The following CRB1 variants were observed in gnomAD, a reference collection of about 807,000 sequenced individuals.
CRB1 encodes the protein protein crumbs homolog 1.
In CRB1, 83 loss-of-function variants were observed where a neutral mutation model predicts 120.0. That is an observed-to-expected ratio of 0.69 (90% CI 0.58 to 0.83). CRB1 has a LOEUF of 0.83. CRB1 is among the 40% of genes least tolerant of loss of function. CRB1 has a pLI of 0.00. For synonymous variants in CRB1, 625 were observed against 612.5 expected (o/e 1.02, Z -0.30); for missense variants, 1,699 against 1,687.6 (o/e 1.01, Z -0.12).
intron 7 of CRB1, among the ~76,000 whole-genome samples, 175 bp downstream of exon 7, chr1:197,428,176 A>G (rs949121586): frequency 1.8e-4 from 27 of 152,206 alleles, no homozygotes; most frequent in African/African-American, 5.5e-4. Context: ...ACATTGAGCC[A>G]TAGAAATGAG....
At chr1:197,205,123 C>A in the CRB1 span, among the ~76,000 whole-genome samples, 1 of 152,196 alleles carries the variant, frequency 6.6e-6, no homozygotes, top group Non-Finnish European at 1.5e-5. Context: ...TATCCTAAAA[C>A]TTTGCTTAAT....
intron 1 of CRB1, among the ~76,000 whole-genome samples, chr1:197,286,903 C>T: frequency 6.6e-6 from 1 of 151,576 alleles, no homozygotes. Context: ...TTGTTTCATT[C>T]AAGGGAAAAA....
At chr1:197,244,768 C>T in the CRB1 span, among the ~76,000 whole-genome samples, 2 of 151,564 alleles carry the variant, frequency 1.3e-5, no homozygotes, top group East Asian at 1.9e-4. Flanking sequence ...TTGGTCTCAT[C>T]TATTTCCCCT....
chr1:197,373,728 T>G (rs549879064), intron 5 of CRB1, among the ~76,000 whole-genome samples: 16 of 152,276 alleles, frequency 1.1e-4, no homozygotes, highest in African/African-American at 3.6e-4. Context: ...AAAAGTCTAT[T>G]CCATATCTCA....
the CRB1 span, chr1:197,223,295 T>G: frequency 1.3e-6 from 1 of 755,376 alleles, no homozygotes; most frequent in South Asian, 1.5e-5. Context: ...GTTTGGAAAT[T>G]GGCTGTTTTG....
chr1:197,214,933 A>G, the CRB1 span, among the ~76,000 whole-genome samples: 1 of 152,192 alleles, frequency 6.6e-6, no homozygotes, highest in Non-Finnish European at 1.5e-5. Flanking sequence ...AATCGTAAAA[A>G]CAAAACAAAA....
chr1:197,218,649 C>T, the CRB1 span, among the ~76,000 whole-genome samples: 131,220 of 152,062 alleles, frequency 0.86, 57,066 homozygotes, highest in East Asian at 1. Context: ...AGTCCCTTGA[C>T]TGTGGATGAT....
At chr1:197,249,102 A>G in the CRB1 span, among the ~76,000 whole-genome samples, 1 of 151,894 alleles carries the variant, frequency 6.6e-6, no homozygotes, top group Non-Finnish European at 1.5e-5. Context: ...TTAATCATAT[A>G]CCTTTTTGTA....
chr1:197,353,964 T>C (rs1366553951), intron 4 of CRB1, among the ~76,000 whole-genome samples: 1 of 149,484 alleles, frequency 6.7e-6, no homozygotes, highest in East Asian at 2.0e-4. Context: ...TAAATACTCT[T>C]ACAAATCAAT....
At chr1:197,223,313 A>G in the CRB1 span, 8 of 652,072 alleles carry the variant, frequency 1.2e-5, no homozygotes, top group African/African-American at 7.3e-5. Flanking sequence ...TTGTTAAAAT[A>G]TATCATACAT....
the CRB1 span, among the ~76,000 whole-genome samples, chr1:197,206,536 T>C: frequency 6.6e-6 from 1 of 152,122 alleles, no homozygotes; most frequent in Non-Finnish European, 1.5e-5. Context: ...GAGCAAGTTA[T>C]TTAATTTCCA....
intron 2 of CRB1, among the ~76,000 whole-genome samples, chr1:197,336,721 A>G (rs1659177508): frequency 6.6e-6 from 1 of 152,212 alleles, no homozygotes; most frequent in African/African-American, 2.4e-5. Context: ...TGACTAAGAT[A>G]AAATGTATTC....
Position 197,428,124 on chromosome 1 carries a change from A to G in CRB1, c.2676+123A>G, listed in dbSNP as rs1214895657. On this transcript the variant is annotated intron_variant, in intron 7 of 11. Coordinates refer to ENST00000367400, the MANE Select transcript of CRB1 (RefSeq NM_201253.3). The stretch of plus-strand genomic sequence containing the variant: ...GATGTTACTGACCCACCAGTATAGA[A>G]TAATATTTCATCTATATTGTTCCAA... 8.3e-6 allele frequency: 7 copies of G among 838,722 alleles called. No individual in the cohort carries two copies. The East Asian group carries it at 1.6e-4, about 19-fold the overall frequency. 52.0% of individuals were successfully genotyped at this position (838,722 alleles called of 1,614,324 possible). A position where few individuals can be genotyped will look rare whatever the true frequency, so the allele number is the denominator to read the frequency against.
chr1:197,234,148 G>A, the CRB1 span, among the ~76,000 whole-genome samples: 1 of 152,196 alleles, frequency 6.6e-6, no homozygotes, highest in Non-Finnish European at 1.5e-5. Flanking sequence ...ATTACTTGTT[G>A]TAGTGGTTTT....
At chr1:197,442,612 T>C (rs1665508774) in intron 11 of CRB1, 29 of 1,228,272 alleles carry the variant, frequency 2.4e-5, no homozygotes, top group Non-Finnish European at 3.0e-5. Context: ...TAACTTTAAA[T>C]ATGAAAAAAG....
the CRB1 span, among the ~76,000 whole-genome samples, chr1:197,254,464 G>A: frequency 4.4e-4 from 67 of 152,124 alleles, no homozygotes; most frequent in East Asian, 7.4e-3. Flanking sequence ...TAGTGTCACC[G>A]TGATTTATGA....
chr1:197,375,878 G>C (rs1661619648), intron 5 of CRB1, among the ~76,000 whole-genome samples: 1 of 152,222 alleles, frequency 6.6e-6, no homozygotes, highest in East Asian at 1.9e-4. Context: ...CCTCTAAAGA[G>C]ATGTGTATAC....
Position 197,435,076 on chromosome 1 carries a change from C to T in CRB1, c.3213C>T (p.Leu1071=), listed in dbSNP as rs2125499764. 1 of 1,613,912 alleles carries T rather than the reference C, an allele frequency of 6.2e-7. No homozygotes were observed. Among genetic ancestry groups the T allele is most frequent in the Non-Finnish European group, 8.5e-7 (1 of 1,179,902 alleles). ...CCAGCACAATTGCTACTGGAAGCCT[C>T]AACTTTTTGAAGGATAATACAGATA... ...FVTSTIATGS[L]NFLKDNTDIY... Residue 1071 remains leucine, a synonymous_variant, in exon 9 of 12, where the codon CTC becomes CTT. Coordinates refer to ENST00000367400, the MANE Select transcript of CRB1 (RefSeq NM_201253.3).
intron 6 of CRB1, among the ~76,000 whole-genome samples, chr1:197,425,859 A>C (rs1664555288): frequency 6.6e-6 from 1 of 151,896 alleles, no homozygotes; most frequent in Admixed American, 6.6e-5. Context: ...TTGTGGCTCT[A>C]AATATCTAAT....
Sources: allele counts gnomAD v4.1 joint callset (sites outside exome capture counted in the v4.1 genomes callset), GRCh38; gene constraint gnomAD v4.1.1; transcripts MANE v1.5; gene names NCBI Gene and HGNC (gene_info 2026-07-23, HGNC 2026-07-21).